The following CNBD2 variants were observed in gnomAD, a reference collection of about 807,000 sequenced individuals.
CNBD2 encodes the protein cyclic nucleotide binding domain containing 2.
Under a neutral mutation model 63.7 loss-of-function variants are expected in CNBD2, and 64 were observed. The observed-to-expected ratio is 1.00, with a 90% CI of 0.82 to 1.24. The LOEUF (loss-of-function observed/expected upper bound fraction) is 1.24. CNBD2 is among the 50% of genes most tolerant of loss of function. CNBD2 has a pLI of 0.00. For missense variants in CNBD2, 691 were observed against 713.5 expected (o/e 0.97, Z 0.36); for synonymous variants, 229 against 255.4 (o/e 0.90, Z 0.99).
At chr20:36,022,388 C>T (rs1351520107) in intron 10 of CNBD2, among the ~76,000 whole-genome samples, 6 of 151,218 alleles carry the variant, frequency 4.0e-5, no homozygotes, top group Admixed American at 6.6e-5. Flanking sequence ...TTAGTAGAGA[C>T]GGGTTTTCAC....
chr20:35,998,781 G>A (rs1341783188), intron 8 of CNBD2, among the ~76,000 whole-genome samples: 2 of 149,856 alleles, frequency 1.3e-5, no homozygotes, highest in African/African-American at 4.9e-5. Context: ...GCTGAGGCAG[G>A]AGAATTGCTT....
intron 10 of CNBD2, among the ~76,000 whole-genome samples, chr20:36,022,204 T>C (rs1381836861): frequency 2.4e-5 from 3 of 123,826 alleles, no homozygotes; most frequent in Admixed American, 7.7e-5. Context: ...TCTTTTTTTT[T>C]TTTTTTTTTT....
In CNBD2 at chr20:35,975,889, G is replaced by A. The variant is rs1481438904; in HGVS notation, c.190-60G>A. The A allele has an allele frequency of 2.7e-6, 4 of 1,486,556 alleles. No individual in the cohort carries two copies. In the Admixed American group the frequency reaches 5.1e-5, roughly 19 times the overall value. 92.1% of individuals were successfully genotyped at this position (1,486,556 alleles called of 1,614,324 possible). ...CCAGGTAGACAGGAGGGCTCTAGAT[G>A]CAAAGTTCTAGGGGCAGTCTTGCTG... On this transcript the variant is annotated intron_variant, in intron 2 of 11. Coordinates refer to ENST00000373973, the MANE Select transcript of CNBD2 (RefSeq NM_001365709.1).
chr20:35,987,883 T>TA (rs2056690853), intron 7 of CNBD2, among the ~76,000 whole-genome samples: 4 of 152,214 alleles, frequency 2.6e-5, no homozygotes, highest in African/African-American at 7.2e-5. Flanking sequence ...TTTATTTATT[T>TA]TGAGACAAGA....
rs920573284 is a variant in CNBD2, at chr20:36,028,688, T to A, written c.1440-1669T>A. 3.3e-5 allele frequency among the ~76,000 whole-genome samples: 5 copies of A among 150,828 alleles called. 1 individual carries two copies. The highest frequency in any genetic ancestry group is 1.3e-4 in the Admixed American group (2 of 15,192). The stretch of plus-strand genomic sequence containing the variant: ...GGCTTAAGGGCGTCACGGGCTGGTT[T>A]TTTTTGGGACGGAGTCTCACTCTGT... On this transcript the variant is annotated intron_variant, in intron 11 of 11. Transcript: ENST00000373973.
At chr20:36,020,770 C>A (rs1232992239) in intron 10 of CNBD2, among the ~76,000 whole-genome samples, 1 of 152,110 alleles carries the variant, frequency 6.6e-6, no homozygotes, top group African/African-American at 2.4e-5. Flanking sequence ...ACTAGGAGGG[C>A]CTTTGTTCCC....
chr20:35,964,752 G>A (rs113988814), upstream of CNBD2, among the ~76,000 whole-genome samples: 138 of 151,130 alleles, frequency 9.1e-4, no homozygotes, highest in Non-Finnish European at 1.7e-3. Context: ...TGCCAGGCTG[G>A]AGTGCAGTGC....
chr20:35,962,655 A>G (rs1420892602), intron 2 of CNBD2, among the ~76,000 whole-genome samples: 1 of 152,226 alleles, frequency 6.6e-6, no homozygotes, highest in East Asian at 1.9e-4. Context: ...AAAAATTTAT[A>G]GAAGATCCTG....
chr20:35,963,615 T>G (rs2056323979), upstream of CNBD2, among the ~76,000 whole-genome samples: 1 of 152,002 alleles, frequency 6.6e-6, no homozygotes, highest in African/African-American at 2.4e-5. Flanking sequence ...CACTCCAGCC[T>G]GGGCAAAAGA....
intron 2 of CNBD2, 101 bp from the exon 3 acceptor site, chr20:35,975,848 T>G: frequency 1.8e-6 from 2 of 1,091,036 alleles, no homozygotes; most frequent in Non-Finnish European, 2.7e-6. Context: ...CATGGCTTCC[T>G]GCCCACCATG....
At chr20:35,958,680 C>T (rs928381650), downstream of CNBD2, among the ~76,000 whole-genome samples, 3 of 151,696 alleles carry the variant, frequency 2.0e-5, no homozygotes, top group South Asian at 2.1e-4. Context: ...GCAATTTTAT[C>T]GTGTGTGGAT....
In CNBD2 at chr20:35,988,351, A is replaced by G. The variant is rs569234517; in HGVS notation, c.855+818A>G. Among the ~76,000 whole-genome samples the G allele has an allele frequency of 1.2e-4, 18 of 151,292 alleles. No homozygotes were observed. In the East Asian group the frequency reaches 3.5e-3, roughly 29 times the overall value. ...CTGGCTAATTTTTTTTTGTATTTTT[A>G]GTAGAGATGGGGTTTCGTCATACTG... On this transcript the variant is annotated intron_variant, in intron 7 of 11. Transcript: ENST00000373973.
chr20:35,966,905 C>A (rs1366833138), upstream of CNBD2, among the ~76,000 whole-genome samples: 1 of 152,220 alleles, frequency 6.6e-6, no homozygotes. Flanking sequence ...TCCTACTTAG[C>A]TGATTAGAAA....
chr20:36,001,482 C>G (rs1182709228), intron 8 of CNBD2, among the ~76,000 whole-genome samples: 2 of 149,128 alleles, frequency 1.3e-5, no homozygotes, highest in Non-Finnish European at 3.0e-5. Flanking sequence ...GGGCGGCTGG[C>G]CGGGCGGGGG....
chr20:36,001,778 C>A (rs2056911716), intron 8 of CNBD2, among the ~76,000 whole-genome samples: 1 of 148,818 alleles, frequency 6.7e-6, no homozygotes, highest in African/African-American at 2.5e-5. Context: ...GGCAGAGGCG[C>A]TCCCCACATC....
At chr20:35,958,497 C>T (rs1457024882), downstream of CNBD2, among the ~76,000 whole-genome samples, 1 of 152,164 alleles carries the variant, frequency 6.6e-6, no homozygotes, top group Admixed American at 6.5e-5. Flanking sequence ...AAAAATAGTT[C>T]AGAGAGGTTT....
At chr20:36,006,840 C>G (rs963582219) in intron 8 of CNBD2, among the ~76,000 whole-genome samples, 4 of 152,176 alleles carry the variant, frequency 2.6e-5, no homozygotes, top group African/African-American at 9.7e-5. Flanking sequence ...TAGGCAACCA[C>G]TGATTTGTTT....
intron 8 of CNBD2, among the ~76,000 whole-genome samples, chr20:36,002,211 A>G (rs6060749): frequency 0.14 from 21,437 of 152,180 alleles, 1,543 homozygotes; most frequent in Middle Eastern, 0.21. Flanking sequence ...CCCGGCCAAC[A>G]CAGCGAAACC....
At chr20:35,992,400 T>C (rs377249016) in intron 7 of CNBD2, among the ~76,000 whole-genome samples, 51 of 152,288 alleles carry the variant, frequency 3.3e-4, no homozygotes, top group African/African-American at 1.2e-3. Context: ...TCTCAAACTT[T>C]GGTAAGCATA....
Sources: gnomAD v4.1 joint callset for allele counts (sites outside exome capture counted in the v4.1 genomes callset) on GRCh38, gnomAD v4.1.1 for gene constraint, MANE v1.5 for transcripts, NCBI Gene and HGNC (gene_info 2026-07-23, HGNC 2026-07-21) for gene names.